APPL1: variants seen among roughly 807,000 people sequenced by gnomAD.
The protein encoded by APPL1 is DCC-interacting protein 13-alpha.
A neutral mutation model predicts 106.8 loss-of-function variants in APPL1; 42 were observed. That is an observed-to-expected ratio of 0.39 (90% CI 0.31 to 0.51). APPL1 has a LOEUF of 0.51. Ranked by LOEUF, APPL1 falls within the 20% of genes least tolerant of loss-of-function variation. The pLI is 0.75. For missense variants in APPL1, 769 were observed against 858.2 expected (o/e 0.90, Z 1.30); for synonymous variants, 263 against 281.8 (o/e 0.93, Z 0.67).
In APPL1 at chr3:57,272,509, A is replaced by T. The variant is rs577558132; in HGVS notation, c.*2822A>T. The T allele has an allele frequency of 6.6e-6, 1 of 152,356 alleles. No individual in the cohort carries two copies. Among genetic ancestry groups the T allele is most frequent in the South Asian group, 2.1e-4 (1 of 4,828 alleles). 9.4% of individuals were successfully genotyped at this position (152,356 alleles called of 1,614,324 possible). On this transcript the variant is annotated 3_prime_UTR_variant, in exon 22 of 22. Coordinates refer to ENST00000288266, the MANE Select transcript of APPL1 (RefSeq NM_012096.3). ...TTTGAGTTAATTTTGCATTATATCT[A>T]GGAACCATATTATTTAAAATTTGAA... is the stretch of plus-strand genomic sequence containing the variant.
chr3:57,249,462 C>T lies in APPL1; in HGVS notation c.966C>T (p.Ala322=). The change falls in exon 11 of 22, where the codon GCC becomes GCT. Residue 322 remains alanine, a synonymous_variant. Transcript: ENST00000288266. ...QARGDVAGGL[A]MDIDNCSVMA... The stretch of plus-strand genomic sequence containing the variant: ...GTGGGGATGTAGCAGGAGGCCTGGC[C>T]ATGGACATAGACAACTGTTCAGTGA... The T allele has an allele frequency of 6.2e-7, 1 of 1,614,108 alleles. No individual in the cohort carries two copies. The highest frequency in any genetic ancestry group is 1.6e-4 in the Middle Eastern group (1 of 6,062).
chr3:57,244,015 AG>A (rs1192389030), intron 7 of APPL1, among the ~76,000 whole-genome samples: 3 of 152,314 alleles, frequency 2.0e-5, no homozygotes, highest in Admixed American at 6.5e-5. Context: ...CAGGTGGACT[AG>A]GAACCAGAGT....
intron 8 of APPL1, among the ~76,000 whole-genome samples, chr3:57,246,826 G>A (rs753969556): frequency 7.9e-5 from 12 of 151,826 alleles, no homozygotes; most frequent in Non-Finnish European, 1.8e-4. Flanking sequence ...AACGTAGGGA[G>A]ACCCCATCTC....
At chr3:57,267,039 T>G (rs1397898853) in intron 19 of APPL1, among the ~76,000 whole-genome samples, 1 of 152,156 alleles carries the variant, frequency 6.6e-6, no homozygotes, top group Non-Finnish European at 1.5e-5. Context: ...TGCCTCCAGC[T>G]TTGTTCTTTT....
In APPL1 at chr3:57,238,127, A is replaced by G. The variant is rs775670261; in HGVS notation, c.285+11A>G. The G allele has an allele frequency of 3.1e-6, 5 of 1,595,284 alleles. No individual in the cohort carries two copies. The South Asian group carries it at 4.6e-5, about 15-fold the overall frequency. On this transcript the variant is annotated intron_variant, in intron 4 of 21. Coordinates refer to ENST00000288266, the MANE Select transcript of APPL1 (RefSeq NM_012096.3). ...AAAGTTATAGATGAGGTAAACGTTT[A>G]TTTTATTTTGCTTGATTAAATGGTC...
intron 8 of APPL1, among the ~76,000 whole-genome samples, chr3:57,246,657 G>A (rs951835029): frequency 2.6e-5 from 4 of 152,164 alleles, no homozygotes; most frequent in African/African-American, 4.8e-5. Flanking sequence ...AAGGGGGCTA[G>A]AAAATTTGGG....
At position 57,272,719 on chromosome 3, in the gene APPL1, C is replaced by T. The variant is rs1261676989; in HGVS notation, c.*3032C>T. 1 of 152,344 alleles carries T rather than the reference C, an allele frequency of 6.6e-6. No homozygotes were observed. Among genetic ancestry groups the T allele is most frequent in the Non-Finnish European group, 1.5e-5 (1 of 68,190 alleles). 9.4% of individuals were successfully genotyped at this position (152,344 alleles called of 1,614,324 possible). ...GGTTCACGCCATTCTCCTGCCTCAG[C>T]CTCCCGAGTAGCTGGGACCACAGGG... On this transcript the variant is annotated 3_prime_UTR_variant, in exon 22 of 22. Transcript: ENST00000288266.
chr3:57,268,630 A>G, intron 21 of APPL1, 143 bp downstream of exon 21: 1 of 894,600 alleles, frequency 1.1e-6, no homozygotes, highest in Non-Finnish European at 1.6e-6. Flanking sequence ...ATACCATAGC[A>G]GAAAAGGGTC....
intron 4 of APPL1, among the ~76,000 whole-genome samples, chr3:57,239,694 A>C (rs1414966966): frequency 6.6e-6 from 1 of 152,128 alleles, no homozygotes; most frequent in Non-Finnish European, 1.5e-5. Flanking sequence ...CAGAAATGGG[A>C]TTGCTGGATC....
intron 9 of APPL1, 71 bp downstream of exon 9, chr3:57,247,548 A>T (rs2060780907): frequency 1.0e-6 from 1 of 981,680 alleles, no homozygotes; most frequent in African/African-American, 1.6e-5. Flanking sequence ...CATAATGTAA[A>T]GATATTTATC....
At chr3:57,239,475 G>C (rs2060734219) in intron 4 of APPL1, among the ~76,000 whole-genome samples, 2 of 151,794 alleles carry the variant, frequency 1.3e-5, no homozygotes, top group Admixed American at 1.3e-4. Flanking sequence ...TTCCTTTTTT[G>C]GCTAAATAAA....
chr3:57,240,256 A>C (rs985177862), intron 4 of APPL1, among the ~76,000 whole-genome samples: 30 of 151,576 alleles, frequency 2.0e-4, no homozygotes, highest in Admixed American at 2.0e-3. Flanking sequence ...AGAAAGTGTT[A>C]CCAAATCCAA....
At chr3:57,229,914 A>G (rs2060677707) in intron 1 of APPL1, among the ~76,000 whole-genome samples, 1 of 151,830 alleles carries the variant, frequency 6.6e-6, no homozygotes, top group Non-Finnish European at 1.5e-5. Flanking sequence ...GGGTTTTGCC[A>G]TGTTGGCCAG....
intron 4 of APPL1, among the ~76,000 whole-genome samples, chr3:57,238,975 T>C (rs1258751753): frequency 2.0e-5 from 3 of 152,138 alleles, no homozygotes; most frequent in East Asian, 3.9e-4. Context: ...GAGTAATTTA[T>C]AAAGAAAAAG....
chr3:57,244,884 G>A (rs975724353), intron 7 of APPL1, among the ~76,000 whole-genome samples: 1 of 152,194 alleles, frequency 6.6e-6, no homozygotes, highest in African/African-American at 2.4e-5. Flanking sequence ...TGAAAATGGA[G>A]AGGAAGGAGT....
chr3:57,273,173 T>C lies in APPL1; in HGVS notation c.*3486T>C, dbSNP rs1312414142. The C allele has an allele frequency of 6.5e-6, 1 of 152,696 alleles. No individual in the cohort carries two copies. Among genetic ancestry groups the C allele is most frequent in the Non-Finnish European group, 1.5e-5 (1 of 68,042 alleles). The allele number at this position is 152,696 out of a possible 1,614,324, so 9.5% of individuals were successfully genotyped here. ...ACTGGGGGTTAAGTTGTAACTAATATGCAAAATTGCTTTGTATATTTGGTG... is the reference window on the plus strand; with the variant it reads ...ACTGGGGGTTAAGTTGTAACTAATACGCAAAATTGCTTTGTATATTTGGTG... On this transcript the variant is annotated 3_prime_UTR_variant, in exon 22 of 22. Transcript: ENST00000288266.
At position 57,227,758 on chromosome 3, in the gene APPL1, G is replaced by A; in HGVS notation, c.-126G>A. ...GGCCGCTCGGCGCCTGGAGAAGGCT[G>A]TGCGGGCGGGGACGGCTGCAGCCCT... On this transcript the variant is annotated 5_prime_UTR_variant, in exon 1 of 22. The change creates a new upstream start codon in the 5' untranslated region. Transcript: ENST00000288266. The A allele has an allele frequency of 1.3e-6, 1 of 776,066 alleles. No homozygotes were observed. Among genetic ancestry groups the A allele is most frequent in the South Asian group, 3.7e-5 (1 of 27,038 alleles). The allele number at this position is 776,066 out of a possible 1,614,324, so 48.1% of individuals were successfully genotyped here.
At chr3:57,245,990 C>A in intron 7 of APPL1, 86 bp from the exon 8 acceptor site, 1 of 939,816 alleles carries the variant, frequency 1.1e-6, no homozygotes, top group Non-Finnish European at 1.5e-6. Context: ...GTAGGCTCTT[C>A]TCCACAGCTC....
chr3:57,246,768 C>T lies in APPL1; in HGVS notation c.621+546C>T, dbSNP rs894975869. 5.3e-5 allele frequency among the ~76,000 whole-genome samples: 8 copies of T among 151,954 alleles called. No individual in the cohort carries two copies. In the South Asian group the frequency reaches 6.2e-4, roughly 12 times the overall value. ...CCTATAATCGAGCACTTTGGTAGGC[C>T]GAGGTAGGAGGATCATTTGAGTCCA... On this transcript the variant is annotated intron_variant, in intron 8 of 21. Transcript: ENST00000288266.
Sources: gnomAD v4.1 joint callset for allele counts (sites outside exome capture counted in the v4.1 genomes callset) on GRCh38, gnomAD v4.1.1 for gene constraint, MANE v1.5 for transcripts, NCBI Gene and HGNC (gene_info 2026-07-23, HGNC 2026-07-21) for gene names.